The following KDM7A variants were observed in gnomAD, a reference collection of about 807,000 sequenced individuals.
KDM7A encodes lysine demethylase 7A.
Under a neutral mutation model 114.8 loss-of-function variants are expected in KDM7A, and 28 were observed. The observed-to-expected ratio is 0.24, with a 90% CI of 0.18 to 0.33. The LOEUF (loss-of-function observed/expected upper bound fraction) is 0.33, where lower values mean the gene tolerates loss of function less well. KDM7A is among the 10% of genes least tolerant of loss of function. KDM7A has a pLI of 1.00. For synonymous variants in KDM7A, 423 were observed against 397.8 expected (o/e 1.06, Z -0.75); for missense variants, 942 against 1,142.5 (o/e 0.82, Z 2.53).
At position 140,096,633 on chromosome 7, in the gene KDM7A, G is replaced by A; in HGVS notation, c.2296C>T (p.Leu766Phe). ...STDCSGERNS[L>F]QDPSSCHGSN... ...CCATGGCAGCTGCTGGGATCCTGGA[G>A]AGAGTTTCTTTCACCACTGCAGTCT... Residue 766 changes from leucine to phenylalanine, a missense_variant, in exon 17 of 20, where the codon CTC becomes TTC. Physicochemically the swap from Leu to Phe is conservative, Grantham distance 22. Transcript: ENST00000397560. 1 of 1,614,120 alleles carries A rather than the reference G, an allele frequency of 6.2e-7. No individual in the cohort carries two copies. Among genetic ancestry groups the A allele is most frequent in the Non-Finnish European group, 8.5e-7 (1 of 1,179,998 alleles).
intron 1 of KDM7A, among the ~76,000 whole-genome samples, chr7:140,169,404 A>G (rs1390584739): frequency 6.6e-6 from 1 of 152,200 alleles, no homozygotes; most frequent in African/African-American, 2.4e-5. Context: ...ATAAGCCTCC[A>G]CTTCAAATCT....
Position 140,091,845 on chromosome 7 carries a change from G to T in KDM7A, c.2690C>A (p.Pro897Gln). Residue 897 changes from proline (P) to glutamine (Q), a missense_variant, in exon 19 of 20, where the codon CCG (proline) becomes CAG (glutamine). Pro to Gln is a moderately conservative substitution (Grantham distance 76). Around this residue, in one of 4 missense-constraint regions of KDM7A, gnomAD observed 512 missense variants for 576.6 expected, o/e 0.89. Coordinates refer to ENST00000397560, the MANE Select transcript of KDM7A (RefSeq NM_030647.2). Reference sequence around the variant, plus strand: ...GCTGATAGGTGGTGGATTTGATGCCGGTCTCTTGGTGGGGTGAAGGGGCAC... The same window carrying T: ...GCTGATAGGTGGTGGATTTGATGCCTGTCTCTTGGTGGGGTGAAGGGGCAC... ...FSVPLHPTKR[P>Q]ASNPPPISNQ... 6.2e-7 allele frequency: 1 copy of T among 1,612,494 alleles called. No homozygotes were observed. Among genetic ancestry groups the T allele is most frequent in the East Asian group, 2.2e-5 (1 of 44,860 alleles).
At chr7:140,136,547 T>G (rs1390648063) in intron 2 of KDM7A, among the ~76,000 whole-genome samples, 1 of 152,240 alleles carries the variant, frequency 6.6e-6, no homozygotes, top group East Asian at 1.9e-4. Context: ...ATATTTAAGT[T>G]ATTTGTGGGC....
At chr7:140,116,543 G>GT (rs2116783308) in intron 9 of KDM7A, among the ~76,000 whole-genome samples, 1 of 152,234 alleles carries the variant, frequency 6.6e-6, no homozygotes, top group African/African-American at 2.4e-5. Context: ...AATGAGAAAG[G>GT]TAACAGAGCA....
At chr7:140,138,014 G>C (rs866665441) in intron 2 of KDM7A, among the ~76,000 whole-genome samples, 1 of 152,132 alleles carries the variant, frequency 6.6e-6, no homozygotes, top group Non-Finnish European at 1.5e-5. Flanking sequence ...CTAGTCTGCA[G>C]CCTAAAATGT....
intron 1 of KDM7A, among the ~76,000 whole-genome samples, chr7:140,155,955 G>A (rs200773435): frequency 6.6e-6 from 1 of 152,178 alleles, no homozygotes; most frequent in Non-Finnish European, 1.5e-5. Context: ...TATGTATGTA[G>A]ACCATATCAT....
chr7:140,124,194 T>C (rs1352801752), intron 7 of KDM7A, among the ~76,000 whole-genome samples: 3 of 151,990 alleles, frequency 2.0e-5, no homozygotes, highest in East Asian at 1.9e-4. Context: ...AGACAGAAAG[T>C]ACATTCGTGG....
At chr7:140,149,958 T>C (rs886617585) in intron 1 of KDM7A, among the ~76,000 whole-genome samples, 3 of 152,232 alleles carry the variant, frequency 2.0e-5, no homozygotes, top group South Asian at 2.1e-4. Flanking sequence ...TGAATATTTA[T>C]ATGCCTCTCT....
At chr7:140,170,412 C>T (rs1235961628) in intron 1 of KDM7A, among the ~76,000 whole-genome samples, 2 of 152,226 alleles carry the variant, frequency 1.3e-5, no homozygotes, top group Non-Finnish European at 2.9e-5. Flanking sequence ...ACATCTAATC[C>T]TCCTCCTGAA....
At chr7:140,122,381 T>C (rs1308049177) in intron 7 of KDM7A, among the ~76,000 whole-genome samples, 1 of 152,176 alleles carries the variant, frequency 6.6e-6, no homozygotes, top group African/African-American at 2.4e-5. Flanking sequence ...TGTCAATTTA[T>C]GATTATATTA....
chr7:140,146,437 A>C (rs1056945685), intron 1 of KDM7A, among the ~76,000 whole-genome samples: 2 of 152,210 alleles, frequency 1.3e-5, no homozygotes, highest in Admixed American at 1.3e-4. Context: ...CATGATAGCT[A>C]TAACAGATAT....
intron 1 of KDM7A, among the ~76,000 whole-genome samples, chr7:140,152,041 A>G (rs776793056): frequency 1.3e-5 from 2 of 152,202 alleles, no homozygotes; most frequent in African/African-American, 2.4e-5. Flanking sequence ...AAGTAGATCT[A>G]GTTTTCCTAC....
chr7:140,164,716 G>A (rs978322974), intron 1 of KDM7A, among the ~76,000 whole-genome samples: 2 of 152,062 alleles, frequency 1.3e-5, no homozygotes, highest in Admixed American at 6.6e-5. Context: ...TTAAAATTGA[G>A]GCCTTATCTT....
intron 17 of KDM7A, among the ~76,000 whole-genome samples, chr7:140,094,525 A>G (rs1292552191): frequency 6.6e-6 from 1 of 152,068 alleles, no homozygotes; most frequent in Non-Finnish European, 1.5e-5. Flanking sequence ...AAAAAAAGCA[A>G]GCAAATTTAT....
chr7:140,103,454 C>G (rs1818268907), intron 11 of KDM7A, among the ~76,000 whole-genome samples: 1 of 123,316 alleles, frequency 8.1e-6, no homozygotes, highest in African/African-American at 2.9e-5. Context: ...TAATGTTATC[C>G]CTCCCCCCCC....
rs1562959814 is a variant in KDM7A, at chr7:140,157,998, T to TAAATA, written c.194+18745_194+18746insTATTT. Among the ~76,000 whole-genome samples, 34 of 105,794 alleles carry TAAATA rather than the reference T, an allele frequency of 3.2e-4. 1 individual carries two copies. Among genetic ancestry groups the TAAATA allele is most frequent in the East Asian group, 1.2e-3 (5 of 4,096 alleles). The allele number at this position is 105,794 out of a possible 152,430, so 69.4% of individuals were successfully genotyped here. ...AATAAATAAATAAATAAATAAATAA[T>TAAATA]AATAATAATAATAATAATAATTGAA... On this transcript the variant is annotated intron_variant, in intron 1 of 19. Coordinates refer to ENST00000397560, the MANE Select transcript of KDM7A (RefSeq NM_030647.2).
intron 2 of KDM7A, among the ~76,000 whole-genome samples, chr7:140,135,199 T>C (rs933181306): frequency 1.4e-5 from 2 of 146,250 alleles, no homozygotes; most frequent in African/African-American, 5.1e-5. Flanking sequence ...TATAGATACA[T>C]AACTCCTTTT....
At chr7:140,130,796 C>T (rs919455222) in intron 3 of KDM7A, among the ~76,000 whole-genome samples, 9 of 151,460 alleles carry the variant, frequency 5.9e-5, no homozygotes, top group African/African-American at 2.2e-4. Flanking sequence ...GTCCAAAATG[C>T]TCCCATTGAC....
intron 9 of KDM7A, among the ~76,000 whole-genome samples, chr7:140,114,340 GTAT>G (rs1470401613): frequency 6.6e-6 from 1 of 152,100 alleles, no homozygotes; most frequent in Non-Finnish European, 1.5e-5. Flanking sequence ...ATTGGTTTTC[GTAT>G]TTTTTTGGTG....
Sources: allele counts gnomAD v4.1 joint callset (sites outside exome capture counted in the v4.1 genomes callset), GRCh38; gene constraint gnomAD v4.1.1; regional missense constraint gnomAD v4.1.1; transcripts MANE v1.5; gene names NCBI Gene and HGNC (gene_info 2026-07-23, HGNC 2026-07-21).